The following PRR5L variants were observed in gnomAD, a reference collection of about 807,000 sequenced individuals.
PRR5L encodes proline-rich protein 5-like.
A neutral mutation model predicts 36.4 loss-of-function variants in PRR5L; 21 were observed. The observed-to-expected ratio is 0.58, with a 90% CI of 0.41 to 0.83. The LOEUF is 0.83. PRR5L is among the 40% of genes least tolerant of loss of function. The pLI is 0.00. For synonymous variants in PRR5L, 188 were observed against 197.0 expected, an observed-to-expected ratio of 0.95 and a Z score of 0.38; for missense variants, 381 against 473.3, an observed-to-expected ratio of 0.80 and a Z score of 1.81.
chr11:36,356,187 C>T (rs999431056), intron 1 of PRR5L, among the ~76,000 whole-genome samples: 1 of 152,080 alleles, frequency 6.6e-6, no homozygotes, highest in Admixed American at 6.5e-5. Context: ...GCTGGAATTA[C>T]AGGCATGAGC....
At chr11:36,351,432 T>TATATATAC (rs1413820257) in intron 1 of PRR5L, among the ~76,000 whole-genome samples, 1 of 50,824 alleles carries the variant, frequency 2.0e-5, no homozygotes, top group Non-Finnish European at 3.3e-5. Flanking sequence ...TTTATATATT[T>TATATATAC]ATATATACAT....
At chr11:36,366,743 G>C (rs1857148046) in intron 1 of PRR5L, among the ~76,000 whole-genome samples, 1 of 152,302 alleles carries the variant, frequency 6.6e-6, no homozygotes, top group Middle Eastern at 3.4e-3. Context: ...TTAGTGGTTA[G>C]AGGGTTGTAC....
intron 1 of PRR5L, among the ~76,000 whole-genome samples, chr11:36,307,302 GA>G (rs1856445512): frequency 6.6e-6 from 1 of 152,172 alleles, no homozygotes; most frequent in Non-Finnish European, 1.5e-5. Context: ...TGAAGTTAAG[GA>G]AATTAAGCAG....
At chr11:36,453,796 C>T (rs1858991617) in intron 8 of PRR5L, among the ~76,000 whole-genome samples, 1 of 152,152 alleles carries the variant, frequency 6.6e-6, no homozygotes, top group Non-Finnish European at 1.5e-5. Flanking sequence ...TCAGGGAAGA[C>T]TACCTGGAGG....
chr11:36,459,094 T>C (rs1048755276), intron 8 of PRR5L, among the ~76,000 whole-genome samples: 1 of 152,178 alleles, frequency 6.6e-6, no homozygotes, highest in African/African-American at 2.4e-5. Context: ...GTTTCTCCCA[T>C]GGCCGTGCCT....
At chr11:36,420,319 G>A (rs933163230) in intron 4 of PRR5L, among the ~76,000 whole-genome samples, 3 of 152,304 alleles carry the variant, frequency 2.0e-5, no homozygotes, top group Admixed American at 6.5e-5. Flanking sequence ...CACTCTGTAC[G>A]TAGTGTGTAG....
intron 4 of PRR5L, among the ~76,000 whole-genome samples, chr11:36,425,074 G>A (rs1419780894): frequency 1.3e-5 from 2 of 152,026 alleles, no homozygotes; most frequent in Admixed American, 6.6e-5. Flanking sequence ...CACCCGCCTC[G>A]GCCTCCCAAA....
At chr11:36,356,993 G>C (rs950773670) in intron 1 of PRR5L, among the ~76,000 whole-genome samples, 1 of 152,070 alleles carries the variant, frequency 6.6e-6, no homozygotes, top group Non-Finnish European at 1.5e-5. Flanking sequence ...TAGACCTCTT[G>C]GGCCAAACAG....
rs372906950 is a variant in PRR5L at position 36,351,617 on chromosome 11, A to T, written c.-125-49380A>T. 2.4e-4 allele frequency among the ~76,000 whole-genome samples: 3 copies of T among 12,318 alleles called. 1 individual carries two copies. The highest frequency in any genetic ancestry group is 3.8e-4 in the Non-Finnish European group (3 of 7,914). 8.1% of individuals were successfully genotyped at this position (12,318 alleles called of 152,430 possible). ...TATTTATATAAATATATATTTATAT[A>T]TTTATATATTTATATAAATATATAT... On this transcript the variant is annotated intron_variant, in intron 1 of 8. Transcript: ENST00000530639.
chr11:36,452,736 G>A lies in PRR5L; in HGVS notation c.712+1401G>A, dbSNP rs562456331. ...GTCAGGACGTCAGCAGGTTAGCTGGGCCATGGCAGGAACGCTACCATTGTT... is the reference window on the plus strand; with the variant it reads ...GTCAGGACGTCAGCAGGTTAGCTGGACCATGGCAGGAACGCTACCATTGTT... On this transcript the variant is annotated intron_variant, in intron 8 of 8. Transcript: ENST00000530639. Among the ~76,000 whole-genome samples the A allele has an allele frequency of 1.1e-4, 17 of 152,356 alleles. No homozygotes were observed. The South Asian group carries it at 2.9e-3, about 26-fold the overall frequency.
chr11:36,437,829 T>C (rs1044542316), intron 6 of PRR5L, among the ~76,000 whole-genome samples: 32 of 151,992 alleles, frequency 2.1e-4, no homozygotes, highest in African/African-American at 7.2e-4. Flanking sequence ...TGCCTCTATC[T>C]TTCTTCTCTC....
intron 3 of PRR5L, among the ~76,000 whole-genome samples, chr11:36,415,610 G>A (rs925887300): frequency 6.6e-6 from 1 of 152,188 alleles, no homozygotes; most frequent in African/African-American, 2.4e-5. Flanking sequence ...CAGGAGCAGT[G>A]TTGCGCGCCT....
chr11:36,424,460 G>A (rs1436217712), intron 4 of PRR5L, among the ~76,000 whole-genome samples: 1 of 152,192 alleles, frequency 6.6e-6, no homozygotes, highest in Non-Finnish European at 1.5e-5. Flanking sequence ...GGCATTGATG[G>A]GGGAGGCATA....
chr11:36,419,563 T>C (rs1858219284), intron 4 of PRR5L, among the ~76,000 whole-genome samples: 1 of 152,232 alleles, frequency 6.6e-6, no homozygotes. Flanking sequence ...TATTGCTTAT[T>C]TGGGTTATGT....
intron 7 of PRR5L, among the ~76,000 whole-genome samples, chr11:36,446,987 G>T (rs1858844877): frequency 6.6e-6 from 1 of 152,148 alleles, no homozygotes; most frequent in African/African-American, 2.4e-5. Context: ...GCAGGCTTAT[G>T]TTCTGTGTTT....
chr11:36,333,289 A>G (rs566835420), intron 1 of PRR5L, among the ~76,000 whole-genome samples: 3 of 152,294 alleles, frequency 2.0e-5, no homozygotes, highest in African/African-American at 4.8e-5. Context: ...GCTCGTGGGG[A>G]TGGAAAATGA....
intron 1 of PRR5L, among the ~76,000 whole-genome samples, chr11:36,352,335 G>A (rs905021353): frequency 6.8e-6 from 1 of 147,606 alleles, no homozygotes; most frequent in East Asian, 1.9e-4. Context: ...GTAGATTCTG[G>A]ACATTAGCCC....
intron 1 of PRR5L, among the ~76,000 whole-genome samples, chr11:36,351,004 A>ATTTATATATT (rs1856932173): frequency 1.4e-5 from 1 of 69,142 alleles, no homozygotes; most frequent in Non-Finnish European, 3.0e-5. Context: ...ATTTATATAT[A>ATTTATATATT]TTTATATAGT....
At chr11:36,360,077 A>C (rs74847604) in intron 1 of PRR5L, among the ~76,000 whole-genome samples, 1 of 7,212 alleles carries the variant, frequency 1.4e-4, no homozygotes, top group Non-Finnish European at 3.7e-4. Context: ...ACACACACCC[A>C]CACACACACA....
Sources: gnomAD v4.1 joint callset for allele counts (sites outside exome capture counted in the v4.1 genomes callset) on GRCh38, gnomAD v4.1.1 for gene constraint, MANE v1.5 for transcripts, NCBI Gene and HGNC (gene_info 2026-07-23, HGNC 2026-07-21) for gene names.